The following MYO3B variants were observed in gnomAD, a reference collection of about 807,000 sequenced individuals.
The protein encoded by MYO3B is myosin IIIB, also known as myosin-IIIb.
In MYO3B, 156 loss-of-function variants were observed where a neutral mutation model predicts 174.6. The ratio of observed to expected loss-of-function variants is 0.89; its 90% CI spans 0.78 to 1.02. The LOEUF (loss-of-function observed/expected upper bound fraction) is 1.02. MYO3B is among the 50% of genes least tolerant of loss of function. The pLI, the probability that MYO3B is intolerant of heterozygous loss-of-function variation, is 0.00. For missense variants in MYO3B, 1,632 were observed against 1,639.4 expected (o/e 1.00, Z 0.08); for synonymous variants, 563 against 569.1 (o/e 0.99, Z 0.15).
At chr2:170,498,955 A>G (rs570789993) in intron 26 of MYO3B, among the ~76,000 whole-genome samples, 6 of 152,328 alleles carry the variant, frequency 3.9e-5, no homozygotes, top group African/African-American at 1.2e-4. Flanking sequence ...AGCTCATTTA[A>G]AAACGTTTCT....
At chr2:170,528,738 G>T (rs1451376913) in intron 30 of MYO3B, among the ~76,000 whole-genome samples, 2 of 152,196 alleles carry the variant, frequency 1.3e-5, no homozygotes, top group East Asian at 3.9e-4. Flanking sequence ...CAATGCATCA[G>T]ACGACGATGG....
chr2:170,294,734 G>T (rs1376401340), intron 7 of MYO3B, among the ~76,000 whole-genome samples: 1 of 152,026 alleles, frequency 6.6e-6, no homozygotes, highest in Non-Finnish European at 1.5e-5. Flanking sequence ...TTATAAATTT[G>T]TCTAAACCCA....
intron 32 of MYO3B, among the ~76,000 whole-genome samples, chr2:170,564,412 G>A (rs796657772): frequency 3.3e-5 from 5 of 152,334 alleles, no homozygotes; most frequent in African/African-American, 1.2e-4. Context: ...GATGGAGGTG[G>A]CAGTGGGCTG....
intron 24 of MYO3B, among the ~76,000 whole-genome samples, chr2:170,465,073 A>G (rs565013478): frequency 6.2e-4 from 93 of 150,862 alleles, no homozygotes; most frequent in African/African-American, 2.2e-3. Flanking sequence ...AGGCTTCACC[A>G]TGTTGGCCAG....
chr2:170,443,287 T>A (rs2105911196), intron 22 of MYO3B, among the ~76,000 whole-genome samples: 1 of 152,384 alleles, frequency 6.6e-6, no homozygotes, highest in South Asian at 2.1e-4. Flanking sequence ...GCTGCATAAA[T>A]GTCTTCTTTT....
chr2:170,293,059 T>A (rs895707186), intron 7 of MYO3B, among the ~76,000 whole-genome samples: 1 of 152,114 alleles, frequency 6.6e-6, no homozygotes, highest in African/African-American at 2.4e-5. Context: ...CCTCAAGGAT[T>A]TGGAAGTCCA....
At chr2:170,651,819 C>CGGGG in intron 33 of MYO3B, 85 bp downstream of exon 33, 1 of 1,081,986 alleles carries the variant, frequency 9.2e-7, no homozygotes, top group Non-Finnish European at 1.4e-6. Flanking sequence ...CCAGCCCCTG[C>CGGGG]AGCCCCACCC....
At chr2:170,620,500 C>T (rs1197445792) in intron 32 of MYO3B, among the ~76,000 whole-genome samples, 1 of 152,192 alleles carries the variant, frequency 6.6e-6, no homozygotes. Flanking sequence ...TGAGATTTTA[C>T]CCTGCTTGTA....
intron 25 of MYO3B, among the ~76,000 whole-genome samples, chr2:170,484,223 G>T (rs1261618325): frequency 6.6e-6 from 1 of 152,100 alleles, no homozygotes; most frequent in African/African-American, 2.4e-5. Context: ...CAGATAGATG[G>T]TATTTATTCT....
chr2:170,494,727 C>CAAAAAAAAAAAAAAAAAAAAGAAAAAA (rs1686730315), intron 25 of MYO3B, among the ~76,000 whole-genome samples: 2 of 92,038 alleles, frequency 2.2e-5, no homozygotes, highest in Non-Finnish European at 4.1e-5. Context: ...AACTGCGTCT[C>CAAAAAAAAAAAAAAAAAAAAGAAAAAA]AAAAAAAAAA....
intron 32 of MYO3B, among the ~76,000 whole-genome samples, chr2:170,634,296 G>A (rs1037584756): frequency 6.6e-6 from 1 of 152,002 alleles, no homozygotes; most frequent in Non-Finnish European, 1.5e-5. Context: ...CAGAACAGAG[G>A]CCTCAGAAAT....
At chr2:170,203,114 T>C (rs919722398) in intron 3 of MYO3B, among the ~76,000 whole-genome samples, 9 of 152,218 alleles carry the variant, frequency 5.9e-5, no homozygotes, top group African/African-American at 9.6e-5. Context: ...AATCTGTGAA[T>C]GCATTTTAAG....
At chr2:170,498,505 C>A in intron 25 of MYO3B, 87 bp from the exon 26 acceptor site, 2 of 827,516 alleles carry the variant, frequency 2.4e-6, no homozygotes, top group Non-Finnish European at 4.0e-6. Context: ...TATTAAAAAA[C>A]AAGGTGTGTC....
chr2:170,373,651 C>T (rs1342789845), intron 9 of MYO3B, among the ~76,000 whole-genome samples: 1 of 151,792 alleles, frequency 6.6e-6, no homozygotes, highest in East Asian at 1.9e-4. Flanking sequence ...ACAACGAAGA[C>T]AGAAGAGAGA....
At chr2:170,426,980 T>C (rs1233722187) in intron 22 of MYO3B, among the ~76,000 whole-genome samples, 2 of 151,874 alleles carry the variant, frequency 1.3e-5, no homozygotes, top group Non-Finnish European at 2.9e-5. Context: ...ATTGCGCCAT[T>C]GCACTCTAGC....
intron 28 of MYO3B, among the ~76,000 whole-genome samples, chr2:170,510,774 T>C (rs950916758): frequency 2.6e-5 from 4 of 152,236 alleles, no homozygotes; most frequent in Admixed American, 1.3e-4. Context: ...TTCTGTCCTA[T>C]AGTCTTACCT....
intron 32 of MYO3B, among the ~76,000 whole-genome samples, chr2:170,585,251 A>G (rs942456383): frequency 2.0e-5 from 3 of 152,220 alleles, no homozygotes; most frequent in Non-Finnish European, 4.4e-5. Flanking sequence ...TCAGGTTTCT[A>G]CTAGCCTAAA....
intron 25 of MYO3B, among the ~76,000 whole-genome samples, chr2:170,467,832 G>T (rs1325103487): frequency 1.0e-4 from 11 of 105,522 alleles, no homozygotes; most frequent in African/African-American, 3.3e-4. Context: ...AAAAAAAAAA[G>T]TTCCTTGCAA....
intron 32 of MYO3B, among the ~76,000 whole-genome samples, chr2:170,631,669 C>T (rs1405058810): frequency 1.3e-5 from 2 of 151,890 alleles, no homozygotes; most frequent in Admixed American, 6.6e-5. Context: ...GTCGGGTTAC[C>T]CACAAAGGGA....
Sources: gnomAD v4.1 joint callset for allele counts (sites outside exome capture counted in the v4.1 genomes callset) on GRCh38, gnomAD v4.1.1 for gene constraint, MANE v1.5 for transcripts, NCBI Gene and HGNC (gene_info 2026-07-23, HGNC 2026-07-21) for gene names.